The following TMEM131 variants were observed in gnomAD, a reference collection of about 807,000 sequenced individuals.
The protein encoded by TMEM131 is transmembrane protein 131.
A neutral mutation model predicts 211.6 loss-of-function variants in TMEM131; 66 were observed. The observed-to-expected ratio is 0.31, with a 90% CI of 0.26 to 0.38. The LOEUF (loss-of-function observed/expected upper bound fraction) is 0.38, where lower values mean the gene tolerates loss of function less well. TMEM131 is among the 10% of genes least tolerant of loss of function. TMEM131 has a pLI of 1.00. For synonymous variants in TMEM131, 844 were observed against 841.3 expected (o/e 1.00, Z -0.06); for missense variants, 2,036 against 2,299.3 (o/e 0.89, Z 2.34).
At chr2:97,759,246 C>T (rs1196892475) in intron 39 of TMEM131, 193 bp from the exon 40 acceptor site, 7 of 639,920 alleles carry the variant, frequency 1.1e-5, no homozygotes, top group East Asian at 5.5e-5. Flanking sequence ...AGTGCACGAG[C>T]TGATATGCCA....
At chr2:97,920,127 C>T (rs1676680618) in intron 2 of TMEM131, among the ~76,000 whole-genome samples, 3 of 152,176 alleles carry the variant, frequency 2.0e-5, no homozygotes, top group Admixed American at 2.0e-4. Flanking sequence ...CTCCAGAGCT[C>T]CCCACTGGGT....
rs545405675 is a variant in TMEM131 at position 97,850,873 on chromosome 2, A to C, written c.484-6612T>G. ...GGTTTCCTTTAAGGTTTTTATGAGA[A>C]CTTAATTTGATTTAAAAATGTCTAT... On this transcript the variant is annotated intron_variant, in intron 5 of 40. Coordinates refer to ENST00000186436, the MANE Select transcript of TMEM131 (RefSeq NM_015348.2). 2.6e-5 allele frequency among the ~76,000 whole-genome samples: 4 copies of C among 152,186 alleles called. No individual in the cohort carries two copies. The South Asian group carries it at 8.3e-4, about 32-fold the overall frequency.
intron 31 of TMEM131, among the ~76,000 whole-genome samples, chr2:97,786,615 A>G (rs577578050): frequency 2.0e-5 from 3 of 152,340 alleles, no homozygotes; most frequent in Admixed American, 2.0e-4. Context: ...CAGTGTGTGG[A>G]AGAACACTTA....
intron 4 of TMEM131, among the ~76,000 whole-genome samples, chr2:97,885,471 A>C (rs1047609133): frequency 3.3e-5 from 5 of 151,972 alleles, no homozygotes; most frequent in Non-Finnish European, 7.4e-5. Context: ...TACAGGCGTG[A>C]GCCACCGCGC....
intron 4 of TMEM131, among the ~76,000 whole-genome samples, chr2:97,879,823 A>AT (rs1183703251): frequency 5.3e-5 from 8 of 152,134 alleles, no homozygotes; most frequent in African/African-American, 1.9e-4. Flanking sequence ...GACTGCTTAT[A>AT]TTATCAGTAA....
intron 22 of TMEM131, among the ~76,000 whole-genome samples, chr2:97,803,595 T>C (rs1336082308): frequency 6.6e-6 from 1 of 152,238 alleles, no homozygotes; most frequent in East Asian, 1.9e-4. Flanking sequence ...ACTCTAATAC[T>C]GGTAAGAGTA....
In TMEM131 at chr2:97,762,219, C is replaced by T. The variant is rs753953827; in HGVS notation, c.4724-19G>A. The T allele has an allele frequency of 5.0e-6, 8 of 1,613,248 alleles. No homozygotes were observed. Among genetic ancestry groups the T allele is most frequent in the Middle Eastern group, 1.7e-4 (1 of 6,060 alleles). ...TCAGTAGCTGGAAATTAAAAACAAA[C>T]GGGCTCGTTAGTGTGGTGTTTTGAT... On this transcript the variant is annotated intron_variant, in intron 35 of 40. Transcript: ENST00000186436.
intron 1 of TMEM131, among the ~76,000 whole-genome samples, chr2:97,980,402 C>T (rs1679734996): frequency 6.6e-6 from 1 of 152,100 alleles, no homozygotes; most frequent in African/African-American, 2.4e-5. Context: ...GTTAAGATGG[C>T]TAAAATTAAA....
intron 4 of TMEM131, among the ~76,000 whole-genome samples, chr2:97,887,012 T>G (rs1259597523): frequency 6.6e-6 from 1 of 152,252 alleles, no homozygotes; most frequent in African/African-American, 2.4e-5. Context: ...AGGCGTGGGA[T>G]GCAGTCTCAT....
chr2:97,830,877 A>T (rs1056115495), intron 11 of TMEM131, among the ~76,000 whole-genome samples: 1 of 152,108 alleles, frequency 6.6e-6, no homozygotes, highest in Non-Finnish European at 1.5e-5. Context: ...AGGGGAATTT[A>T]AAAAAAAGAT....
intron 22 of TMEM131, among the ~76,000 whole-genome samples, chr2:97,803,374 C>T (rs1318817912): frequency 6.6e-6 from 1 of 152,142 alleles, no homozygotes; most frequent in Non-Finnish European, 1.5e-5. Context: ...GAGGTAAAAC[C>T]TACGAGGGTT....
chr2:97,865,824 T>C (rs1219304750), intron 4 of TMEM131, among the ~76,000 whole-genome samples: 1 of 152,226 alleles, frequency 6.6e-6, no homozygotes, highest in East Asian at 1.9e-4. Flanking sequence ...TCTTCTTTGA[T>C]TGTTTCATAG....
chr2:97,850,216 G>T (rs902118611), intron 5 of TMEM131, among the ~76,000 whole-genome samples: 2 of 151,986 alleles, frequency 1.3e-5, no homozygotes, highest in Non-Finnish European at 1.5e-5. Flanking sequence ...AAAAAAAAGA[G>T]AATGTTCAAA....
At chr2:97,921,974 G>A (rs1676759648) in intron 2 of TMEM131, among the ~76,000 whole-genome samples, 1 of 152,202 alleles carries the variant, frequency 6.6e-6, no homozygotes, top group Admixed American at 6.5e-5. Context: ...AAAACTATAT[G>A]CATTATCTAT....
chr2:97,852,161 C>CTT lies in TMEM131; in HGVS notation c.483+7141_483+7142dup, dbSNP rs35113797. ...AAGAGCTAAGCAGCCACGGCATTCT[C>CTT]TTTTTTTTTTTTTTTTTTTGAGATG... is the stretch of plus-strand genomic sequence containing the variant. On this transcript the variant is annotated intron_variant, in intron 5 of 40. Transcript: ENST00000186436. 3.0e-4 allele frequency among the ~76,000 whole-genome samples: 39 copies of CTT among 129,338 alleles called. No homozygotes were observed. In the East Asian group the frequency reaches 6.7e-3, roughly 22 times the overall value. 84.9% of individuals were successfully genotyped at this position (129,338 alleles called of 152,430 possible). A position where few individuals can be genotyped will look rare whatever the true frequency, so the allele number is the denominator to read the frequency against.
At chr2:97,940,806 C>T (rs1443985597) in intron 1 of TMEM131, among the ~76,000 whole-genome samples, 2 of 141,776 alleles carry the variant, frequency 1.4e-5, no homozygotes, top group Non-Finnish European at 3.0e-5. Flanking sequence ...CAGACTCCAT[C>T]TCAAAAAAAA....
intron 2 of TMEM131, among the ~76,000 whole-genome samples, chr2:97,909,041 T>C (rs553418085): frequency 9.2e-5 from 14 of 152,146 alleles, no homozygotes; most frequent in African/African-American, 2.4e-5. Flanking sequence ...CCCACTGTCA[T>C]GGAACTCAAG....
intron 1 of TMEM131, among the ~76,000 whole-genome samples, chr2:97,948,861 G>A (rs532128322): frequency 1.4e-4 from 22 of 152,162 alleles, no homozygotes; most frequent in South Asian, 2.1e-4. Flanking sequence ...GTTTCACCAT[G>A]TTAGCCAGGA....
intron 1 of TMEM131, among the ~76,000 whole-genome samples, chr2:97,983,231 G>A (rs1186798656): frequency 1.3e-5 from 2 of 151,858 alleles, no homozygotes; most frequent in Non-Finnish European, 2.9e-5. Context: ...TCATAATGAC[G>A]GTCTCAGACA....
Sources: allele counts gnomAD v4.1 joint callset (sites outside exome capture counted in the v4.1 genomes callset), GRCh38; gene constraint gnomAD v4.1.1; transcripts MANE v1.5; gene names NCBI Gene and HGNC (gene_info 2026-07-23, HGNC 2026-07-21).